The following AASDH variants were observed in gnomAD, a reference collection of about 807,000 sequenced individuals.
AASDH encodes the protein aminoadipate-semialdehyde dehydrogenase, also known as beta-alanine-activating enzyme.
A neutral mutation model predicts 102.3 loss-of-function variants in AASDH; 81 were observed. That is an observed-to-expected ratio of 0.79 (90% CI 0.66 to 0.95). The LOEUF (loss-of-function observed/expected upper bound fraction) is 0.95. Ranked by LOEUF, AASDH falls within the 40% of genes least tolerant of loss-of-function variation. The pLI is 0.00. For missense variants in AASDH, 1,203 were observed against 1,266.2 expected (o/e 0.95, Z 0.76); for synonymous variants, 398 against 454.0 (o/e 0.88, Z 1.57).
Position 56,353,522 on chromosome 4 carries a change from C to A in AASDH, c.1458G>T (p.Met486Ile). 6.2e-7 allele frequency: 1 copy of A among 1,613,504 alleles called. No individual in the cohort carries two copies. Among genetic ancestry groups the A allele is most frequent in the Admixed American group, 1.7e-5 (1 of 59,906 alleles). Residue 486 changes from methionine (M) to isoleucine (I), a missense_variant, in exon 9 of 15, where the codon ATG becomes ATT. Transcript: ENST00000205214. ...WYNQEKLILF[M>I]VSKDASVKEY... ...CTTTTACTGAAGCATCTTTAGACAC[C>A]ATGAAGAGAATTAATTTTTCCTGAT...
At position 56,338,383 on chromosome 4, in the gene AASDH, A is replaced by AAAT. The variant is rs776639178; in HGVS notation, c.*16_*18dup. ...TTCAAATATCTCACATTTGTTATAC[A>AAAT]AATAAGGACTGTATTTGATTATTTT... On this transcript the variant is annotated 3_prime_UTR_variant, in exon 15 of 15. Transcript: ENST00000205214. The AAAT allele has an allele frequency of 1.1e-4, 182 of 1,600,978 alleles. No individual in the cohort carries two copies. Among genetic ancestry groups the AAAT allele is most frequent in the Non-Finnish European group, 1.4e-4 (170 of 1,174,438 alleles).
At chr4:56,348,972 A>G in intron 11 of AASDH, 1 of 440,004 alleles carries the variant, frequency 2.3e-6, no homozygotes, top group Non-Finnish European at 4.0e-6. Flanking sequence ...TTTGTGATAC[A>G]GCAACACATT....
rs1436630911 is a variant in AASDH, at chr4:56,365,604, T to C, written c.861+5847A>G. On this transcript the variant is annotated intron_variant, in intron 5 of 14. Coordinates refer to ENST00000205214, the MANE Select transcript of AASDH (RefSeq NM_181806.4). ...TCAACTACATGGAAACTGAACAACC[T>C]GCTCCTGAATGACTACTGGGTACAT... Among the ~76,000 whole-genome samples, 5 of 152,128 alleles carry C rather than the reference T, an allele frequency of 3.3e-5. No individual in the cohort carries two copies. In the East Asian group the frequency reaches 7.7e-4, roughly 23 times the overall value.
chr4:56,350,528 TTTTA>T (rs1053866021), intron 10 of AASDH, among the ~76,000 whole-genome samples: 1 of 151,822 alleles, frequency 6.6e-6, no homozygotes, highest in African/African-American at 2.4e-5. Flanking sequence ...TTTTAAATTA[TTTTA>T]TTTATGTTAA....
chr4:56,350,081 A>C, intron 10 of AASDH, 23 bp from the exon 11 acceptor site: 1 of 1,533,818 alleles, frequency 6.5e-7, no homozygotes, highest in Non-Finnish European at 8.7e-7. Context: ...GAATAGAGAA[A>C]TATGTGACGT....
In AASDH at chr4:56,354,196, A is replaced by C. The variant is rs199755593; in HGVS notation, c.1226T>G (p.Val409Gly). The change falls in exon 8 of 15, where the codon GTG (valine) becomes GGG (glycine). Residue 409 changes from valine (V) to glycine (G), a missense_variant. Physicochemically the swap from Val to Gly is moderately radical, Grantham distance 109. Transcript: ENST00000205214. Reference sequence around the variant, plus strand: ...TGTCACTTCATCATCAAGAAAACACACTCTGTTTCTGCCACCTTCCCAAGA... The same window carrying C: ...TGTCACTTCATCATCAAGAAAACACCCTCTGTTTCTGCCACCTTCCCAAGA... ...GQVFLGGRNR[V>G]CFLDDEVTVP... 1.3e-6 allele frequency: 2 copies of C among 1,574,916 alleles called. No homozygotes were observed. Among genetic ancestry groups the C allele is most frequent in the Non-Finnish European group, 1.7e-6 (2 of 1,159,298 alleles).
rs1747816001 is a variant in AASDH, at chr4:56,342,450, A to AG, written c.2907+384dup. ...ATGTCTGTATCAATTAAAAGAATCCAGGGGTTTTATTTAAACTTTCATAAT... is the reference window on the plus strand; with the variant it reads ...ATGTCTGTATCAATTAAAAGAATCCAGGGGGTTTTATTTAAACTTTCATAAT... On this transcript the variant is annotated intron_variant, in intron 14 of 14. Coordinates refer to ENST00000205214, the MANE Select transcript of AASDH (RefSeq NM_181806.4). Among the ~76,000 whole-genome samples the AG allele has an allele frequency of 3.3e-5, 5 of 152,294 alleles. No individual in the cohort carries two copies. In the East Asian group the frequency reaches 5.8e-4, roughly 18 times the overall value.
chr4:56,351,494 A>G, intron 9 of AASDH, 37 bp from the exon 10 acceptor site: 1 of 1,205,968 alleles, frequency 8.3e-7, no homozygotes, highest in Non-Finnish European at 1.2e-6. Context: ...GTTTTAAAAC[A>G]TTTTAAAATT....
At chr4:56,379,100 G>C (rs1337620120) in intron 3 of AASDH, among the ~76,000 whole-genome samples, 1 of 151,910 alleles carries the variant, frequency 6.6e-6, no homozygotes, top group African/African-American at 2.4e-5. Context: ...TGTTAGCCAG[G>C]ATGGTCTTGA....
At chr4:56,363,889 TGA>T (rs1449985543) in intron 5 of AASDH, among the ~76,000 whole-genome samples, 1 of 152,116 alleles carries the variant, frequency 6.6e-6, no homozygotes, top group Non-Finnish European at 1.5e-5. Context: ...TTTGACAAGT[TGA>T]GAGAAGAAGG....
At chr4:56,385,100 A>T (rs1369964413) in intron 1 of AASDH, among the ~76,000 whole-genome samples, 1 of 152,176 alleles carries the variant, frequency 6.6e-6, no homozygotes, top group Non-Finnish European at 1.5e-5. Flanking sequence ...TGAAATAAAG[A>T]TAAAATAAAA....
chr4:56,387,168 G>A (rs1424520165), intron 1 of AASDH, among the ~76,000 whole-genome samples, 194 bp downstream of exon 1: 1 of 152,188 alleles, frequency 6.6e-6, no homozygotes, highest in Non-Finnish European at 1.5e-5. Flanking sequence ...GCGGAGGCTA[G>A]TGACGCAGGA....
chr4:56,350,712 T>A (rs1156476547), intron 10 of AASDH, among the ~76,000 whole-genome samples: 1 of 152,032 alleles, frequency 6.6e-6, no homozygotes, highest in African/African-American at 2.4e-5. Context: ...ATGGGAATAA[T>A]TTGTCTTTGG....
intron 14 of AASDH, 115 bp from the exon 15 acceptor site, chr4:56,338,906 AACTATAC>A: frequency 9.7e-7 from 1 of 1,031,760 alleles, no homozygotes. Context: ...TTTGAATGGT[AACTATAC>A]ACAGACAAAA....
Position 56,338,296 on chromosome 4 carries a change from A to G in AASDH, c.*106T>C, listed in dbSNP as rs1396074219. The G allele has an allele frequency of 1.1e-5, 14 of 1,294,686 alleles. No individual in the cohort carries two copies. The highest frequency in any genetic ancestry group is 1.5e-5 in the Non-Finnish European group (14 of 954,200). 80.2% of individuals were successfully genotyped at this position (1,294,686 alleles called of 1,614,324 possible). A position where few individuals can be genotyped will look rare whatever the true frequency, so the allele number is the denominator to read the frequency against. On this transcript the variant is annotated 3_prime_UTR_variant, in exon 15 of 15. Coordinates refer to ENST00000205214, the MANE Select transcript of AASDH (RefSeq NM_181806.4). ...AAGTGTAGACAAGTTTCCGTTTCTTAGCCAAAATATAATCTTCTTTAATAT... is the reference window on the plus strand; with the variant it reads ...AAGTGTAGACAAGTTTCCGTTTCTTGGCCAAAATATAATCTTCTTTAATAT...
chr4:56,371,744 G>T, intron 4 of AASDH, 101 bp from the exon 5 acceptor site: 1 of 1,110,538 alleles, frequency 9.0e-7, no homozygotes, highest in Non-Finnish European at 1.2e-6. Flanking sequence ...GTTTCTGAAT[G>T]TTGGCCAGAT....
intron 3 of AASDH, among the ~76,000 whole-genome samples, chr4:56,378,893 T>A (rs13126005): frequency 0.73 from 109,104 of 149,066 alleles, 42,268 homozygotes; most frequent in Non-Finnish European, 0.88. Context: ...TTATTTATTT[T>A]TTTTTTTTGA....
chr4:56,354,230 C>A lies in AASDH; in HGVS notation c.1211-19G>T, dbSNP rs780113040. 2 of 1,503,536 alleles carry A rather than the reference C, an allele frequency of 1.3e-6. No homozygotes were observed. Among genetic ancestry groups the A allele is most frequent in the Non-Finnish European group, 1.8e-6 (2 of 1,123,384 alleles). 93.1% of individuals were successfully genotyped at this position (1,503,536 alleles called of 1,614,324 possible). On this transcript the variant is annotated intron_variant, in intron 7 of 14. Coordinates refer to ENST00000205214, the MANE Select transcript of AASDH (RefSeq NM_181806.4). ...CTGCCACCTTCCCAAGATATAAACACCAATGTCATAAAAATCCAAGGGAAA... is the reference window on the plus strand; with the variant it reads ...CTGCCACCTTCCCAAGATATAAACAACAATGTCATAAAAATCCAAGGGAAA...
At chr4:56,339,205 G>A (rs1274208836) in intron 14 of AASDH, among the ~76,000 whole-genome samples, 1 of 151,632 alleles carries the variant, frequency 6.6e-6, no homozygotes, top group Non-Finnish European at 1.5e-5. Flanking sequence ...CCAGGCTGGA[G>A]TGCAGTGGCA....
Sources: allele counts gnomAD v4.1 joint callset (sites outside exome capture counted in the v4.1 genomes callset), GRCh38; gene constraint gnomAD v4.1.1; transcripts MANE v1.5; gene names NCBI Gene and HGNC (gene_info 2026-07-23, HGNC 2026-07-21).